The following PTPRT variants were observed in gnomAD, a reference collection of about 807,000 sequenced individuals.
PTPRT encodes the protein protein tyrosine phosphatase receptor type T, also known as receptor-type tyrosine-protein phosphatase T.
Under a neutral mutation model 176.8 loss-of-function variants are expected in PTPRT, and 56 were observed. The ratio of observed to expected loss-of-function variants is 0.32; its 90% CI spans 0.26 to 0.40. The LOEUF is 0.40. Ranked by LOEUF, PTPRT falls within the 10% of genes least tolerant of loss-of-function variation. The pLI is 1.00. For missense variants in PTPRT, 1,540 were observed against 1,908.2 expected (o/e 0.81, Z 3.60); for synonymous variants, 783 against 739.0 (o/e 1.06, Z -0.96).
At chr20:42,205,749 T>G (rs2055441482) in intron 15 of PTPRT, among the ~76,000 whole-genome samples, 1 of 151,898 alleles carries the variant, frequency 6.6e-6, no homozygotes, top group African/African-American at 2.4e-5. Flanking sequence ...CATTGCAATC[T>G]CCAGATAAAC....
intron 2 of PTPRT, among the ~76,000 whole-genome samples, chr20:42,797,226 T>A (rs2145572380): frequency 6.6e-6 from 1 of 152,308 alleles, no homozygotes; most frequent in South Asian, 2.1e-4. Context: ...TCTCTGACCA[T>A]CTTCTTCCTT....
chr20:42,997,605 A>G (rs1984294111), intron 1 of PTPRT, among the ~76,000 whole-genome samples: 1 of 152,200 alleles, frequency 6.6e-6, no homozygotes, highest in Non-Finnish European at 1.5e-5. Flanking sequence ...TGAGCAAAAT[A>G]AATGATTGTT....
chr20:42,846,758 C>G (rs560833033), intron 2 of PTPRT, among the ~76,000 whole-genome samples: 8 of 152,200 alleles, frequency 5.3e-5, no homozygotes, highest in African/African-American at 1.9e-4. Context: ...GTGGGGAGCT[C>G]TGGAAAGTTG....
intron 9 of PTPRT, among the ~76,000 whole-genome samples, chr20:42,371,133 G>T (rs1270988360): frequency 1.3e-5 from 2 of 152,182 alleles, no homozygotes; most frequent in South Asian, 2.1e-4. Flanking sequence ...TAACAATGGG[G>T]ATGGTGACCT....
At chr20:42,363,734 G>C (rs777261551) in intron 9 of PTPRT, among the ~76,000 whole-genome samples, 1 of 152,064 alleles carries the variant, frequency 6.6e-6, no homozygotes, top group Non-Finnish European at 1.5e-5. Context: ...GGCTACTACC[G>C]TTACTATTCC....
At chr20:42,350,830 G>C in intron 10 of PTPRT, 100 bp from the exon 11 acceptor site, 1 of 890,732 alleles carries the variant, frequency 1.1e-6, no homozygotes. Flanking sequence ...CATGGATAGA[G>C]GGAGGACGTT....
intron 1 of PTPRT, among the ~76,000 whole-genome samples, chr20:43,017,397 A>G (rs1985424524): frequency 6.6e-6 from 1 of 151,388 alleles, no homozygotes; most frequent in Non-Finnish European, 1.5e-5. Context: ...CTTCCGCCCA[A>G]TCGCATCTCC....
At chr20:42,274,862 A>G (rs1477242770) in intron 13 of PTPRT, among the ~76,000 whole-genome samples, 1 of 152,176 alleles carries the variant, frequency 6.6e-6, no homozygotes, top group Non-Finnish European at 1.5e-5. Flanking sequence ...AAAGACCATC[A>G]CATGCTAAAT....
chr20:42,043,730 G>C, the PTPRT span, among the ~76,000 whole-genome samples: 2 of 152,212 alleles, frequency 1.3e-5, no homozygotes, highest in African/African-American at 4.8e-5. Context: ...GCATAACCCA[G>C]CTTTATCTTT....
At chr20:42,909,079 C>G (rs1282846389) in intron 1 of PTPRT, among the ~76,000 whole-genome samples, 1 of 152,140 alleles carries the variant, frequency 6.6e-6, no homozygotes. Flanking sequence ...CACTTGAACC[C>G]AGGAGTTTGA....
At chr20:42,622,533 C>A (rs1019960899) in intron 7 of PTPRT, among the ~76,000 whole-genome samples, 2 of 152,110 alleles carry the variant, frequency 1.3e-5, no homozygotes, top group African/African-American at 4.8e-5. Context: ...AGCCACCGTG[C>A]CCGGCCAGAC....
At chr20:43,180,269 C>G in intron 1 of PTPRT, among the ~76,000 whole-genome samples, 1 of 151,690 alleles carries the variant, frequency 6.6e-6, no homozygotes. Context: ...TTTCCTGGGA[C>G]TCCAGCTTGC....
At chr20:42,905,213 T>C (rs530751805) in intron 1 of PTPRT, among the ~76,000 whole-genome samples, 4 of 152,150 alleles carry the variant, frequency 2.6e-5, no homozygotes, top group African/African-American at 9.6e-5. Flanking sequence ...CTCAAACAAA[T>C]TTACAAGAAA....
At chr20:43,186,297 CTT>C (rs903437379) in intron 1 of PTPRT, among the ~76,000 whole-genome samples, 4 of 152,240 alleles carry the variant, frequency 2.6e-5, no homozygotes, top group Non-Finnish European at 4.4e-5. Flanking sequence ...AGCTCATACT[CTT>C]TTCTCCAAAC....
At chr20:42,601,190 A>C (rs2073774912) in intron 7 of PTPRT, among the ~76,000 whole-genome samples, 1 of 152,144 alleles carries the variant, frequency 6.6e-6, no homozygotes, top group South Asian at 2.1e-4. Flanking sequence ...CATTGATTCC[A>C]AACAGTGCAA....
At chr20:42,583,097 T>C (rs1359786824) in intron 7 of PTPRT, among the ~76,000 whole-genome samples, 1 of 152,194 alleles carries the variant, frequency 6.6e-6, no homozygotes, top group African/African-American at 2.4e-5. Context: ...AATATATGTT[T>C]TTTGAGTATA....
chr20:42,911,450 A>G (rs1381657238), intron 1 of PTPRT, among the ~76,000 whole-genome samples: 1 of 152,174 alleles, frequency 6.6e-6, no homozygotes, highest in Non-Finnish European at 1.5e-5. Flanking sequence ...ATTAACTAGT[A>G]ATTATTCTGA....
At chr20:42,402,366 A>G (rs535248867) in intron 9 of PTPRT, among the ~76,000 whole-genome samples, 4 of 152,022 alleles carry the variant, frequency 2.6e-5, no homozygotes, top group Admixed American at 2.6e-4. Context: ...TTTTCAGATA[A>G]TTGGGCCCAA....
chr20:42,266,501 T>A (rs2146983450), intron 13 of PTPRT, among the ~76,000 whole-genome samples: 1 of 152,272 alleles, frequency 6.6e-6, no homozygotes, highest in Admixed American at 6.5e-5. Context: ...GTTCTCTTAA[T>A]GTTAATTAAC....
Sources: allele counts gnomAD v4.1 joint callset (sites outside exome capture counted in the v4.1 genomes callset), GRCh38; gene constraint gnomAD v4.1.1; transcripts MANE v1.5; gene names NCBI Gene and HGNC (gene_info 2026-07-23, HGNC 2026-07-21).